Variants in PGS1 observed in about 807,000 individuals in gnomAD.
PGS1 encodes the protein phosphatidylglycerophosphate synthase 1, also known as CDP-diacylglycerol--glycerol-3-phosphate 3-phosphatidyltransferase, mitochondrial.
A neutral mutation model predicts 58.3 loss-of-function variants in PGS1; 44 were observed. The observed-to-expected ratio is 0.75, with a 90% confidence interval of 0.59 to 0.97. The LOEUF (loss-of-function observed/expected upper bound fraction) is 0.97. Among genes scored for constraint, PGS1 ranks in the 50% least tolerant of loss-of-function variants. PGS1 has a pLI of 0.00. For missense variants in PGS1, 684 were observed against 731.1 expected (o/e 0.94, Z 0.74); for synonymous variants, 330 against 311.0 (o/e 1.06, Z -0.64).
intron 7 of PGS1, among the ~76,000 whole-genome samples, chr17:78,405,996 T>G (rs979907827): frequency 6.6e-6 from 1 of 152,130 alleles, no homozygotes; most frequent in South Asian, 2.1e-4. Context: ...AAACCAATGT[T>G]TTTCAATTGG....
At chr17:78,384,673 G>T (rs1201395441) in intron 1 of PGS1, among the ~76,000 whole-genome samples, 4 of 152,192 alleles carry the variant, frequency 2.6e-5, no homozygotes, top group African/African-American at 4.8e-5. Flanking sequence ...GTTTGGTATG[G>T]AGAGCGCAAC....
chr17:78,419,450 C>T, intron 8 of PGS1, 96 bp from the exon 9 acceptor site: 1 of 1,094,194 alleles, frequency 9.1e-7, no homozygotes, highest in Non-Finnish European at 1.4e-6. Flanking sequence ...TCAGGGTTTT[C>T]TGGGCTGGCC....
At position 78,424,062 on chromosome 17, in the gene PGS1, AATGGCCTTGATGAAGATGACAGGC is replaced by A; in HGVS notation, c.*19_*42del. ...TCTTGGTCTCCATGCGGTCCACAGG[AATGGCCTTGATGAAGATGACAGGC>A]ATGGCCGGGGTCAGCTCTTTCAGCC... On this transcript the variant is annotated splice_region_variant and 3_prime_UTR_variant, in exon 10 of 10. Transcript: ENST00000262764. The A allele has an allele frequency of 6.2e-7, 1 of 1,614,066 alleles. No homozygotes were observed. The highest frequency in any genetic ancestry group is 8.5e-7 in the Non-Finnish European group (1 of 1,179,900).
intron 9 of PGS1, chr17:78,421,569 C>CTGTT (rs1555644475): frequency 1.8e-4 from 27 of 152,424 alleles, no homozygotes; most frequent in East Asian, 3.9e-4. Context: ...TCAGTTAACA[C>CTGTT]TGTTTGCCTT....
intron 8 of PGS1, 83 bp from the exon 9 acceptor site, chr17:78,419,463 A>AG (rs2085495751): frequency 1.6e-6 from 2 of 1,238,906 alleles, no homozygotes; most frequent in Non-Finnish European, 2.4e-6. Context: ...GGCTGGCCTG[A>AG]GGGGCTGGGC....
Position 78,400,398 on chromosome 17 carries a change from C to A in PGS1, c.702-279C>A, listed in dbSNP as rs1021120401. 1.3e-5 allele frequency among the ~76,000 whole-genome samples: 2 copies of A among 151,854 alleles called. No individual in the cohort carries two copies. The highest frequency in any genetic ancestry group is 1.3e-4 in the Admixed American group (2 of 15,244). The stretch of plus-strand genomic sequence containing the variant: ...AGATTGTCTCAAAAAAAAAAAAAGC[C>A]CTGTGTGGTTAGTTGACTTTCTGTG... On this transcript the variant is annotated intron_variant, in intron 5 of 9. Transcript: ENST00000262764. This position sits in a 1 kb window ranked among gnomAD's most constrained non-coding sequence, Gnocchi z 4.4.
At chr17:78,378,867 CG>C (rs2081825761) in intron 1 of PGS1, 59 bp downstream of exon 1, 1 of 1,347,438 alleles carries the variant, frequency 7.4e-7, no homozygotes, top group Admixed American at 4.1e-5. Flanking sequence ...GGCCCCCCGG[CG>C]CTCAAACTCC....
At chr17:78,402,282 T>C (rs2083735429) in intron 6 of PGS1, among the ~76,000 whole-genome samples, 1 of 152,226 alleles carries the variant, frequency 6.6e-6, no homozygotes, top group African/African-American at 2.4e-5. Flanking sequence ...CTGTTTCACT[T>C]CCCTGATCAG....
At chr17:78,408,812 C>T (rs11658146) in intron 7 of PGS1, among the ~76,000 whole-genome samples, 30,447 of 152,126 alleles carry the variant, frequency 0.2, 3,273 homozygotes, top group South Asian at 0.25. Flanking sequence ...GCCTGGCCCT[C>T]GCTCCTCGCC....
At chr17:78,381,740 T>C (rs1331228864) in intron 1 of PGS1, among the ~76,000 whole-genome samples, 2 of 152,158 alleles carry the variant, frequency 1.3e-5, no homozygotes, top group Non-Finnish European at 2.9e-5. Flanking sequence ...GGACGTTCCT[T>C]TTACTGCCGC....
At chr17:78,390,143 C>T (rs2082717920) in intron 1 of PGS1, among the ~76,000 whole-genome samples, 2 of 142,318 alleles carry the variant, frequency 1.4e-5, no homozygotes, top group South Asian at 4.5e-4. Flanking sequence ...TTGCTGTGCA[C>T]CTTTCCCATT....
At chr17:78,406,563 C>A (rs2084163769) in intron 7 of PGS1, among the ~76,000 whole-genome samples, 1 of 152,248 alleles carries the variant, frequency 6.6e-6, no homozygotes. Flanking sequence ...AAGTGACTGC[C>A]ACACTGTCCT....
At chr17:78,410,662 T>C (rs930930580) in intron 7 of PGS1, among the ~76,000 whole-genome samples, 14 of 151,714 alleles carry the variant, frequency 9.2e-5, no homozygotes, top group Admixed American at 2.0e-4. Flanking sequence ...TTAGTAGAGA[T>C]GGGGTTTCAC....
chr17:78,422,413 AT>A (rs2085908603), intron 9 of PGS1, among the ~76,000 whole-genome samples: 1 of 131,370 alleles, frequency 7.6e-6, no homozygotes, highest in African/African-American at 2.7e-5. Flanking sequence ...TTAACCCATG[AT>A]TTAGGTGAGT....
In PGS1 at chr17:78,384,450, A is replaced by G. The variant is rs368019062; in HGVS notation, c.143+5642A>G. Reference sequence around the variant, plus strand: ...TTACATTTAAATATCTGTGACTGAGAGGGTAGGGTGAGTTGTTCTCAAAAA... The same window carrying G: ...TTACATTTAAATATCTGTGACTGAGGGGGTAGGGTGAGTTGTTCTCAAAAA... On this transcript the variant is annotated intron_variant, in intron 1 of 9. Coordinates refer to ENST00000262764, the MANE Select transcript of PGS1 (RefSeq NM_024419.5). 1.4e-3 allele frequency among the ~76,000 whole-genome samples: 217 copies of G among 152,294 alleles called. 2 individuals are homozygous for G. The highest frequency in any genetic ancestry group is 4.8e-3 in the African/African-American group (201 of 41,566).
chr17:78,402,483 C>T (rs555041392), intron 6 of PGS1, among the ~76,000 whole-genome samples: 42 of 152,048 alleles, frequency 2.8e-4, no homozygotes, highest in African/African-American at 9.7e-4. Flanking sequence ...TTTTTGCTCT[C>T]GTCACCCAGG....
intron 9 of PGS1, chr17:78,423,765 T>A (rs1029061933): frequency 2.7e-6 from 3 of 1,130,066 alleles, no homozygotes; most frequent in African/African-American, 1.5e-5. Flanking sequence ...GGTTCCGATG[T>A]GCTTGGTTAC....
rs993696903 is a variant in PGS1 at position 78,424,639 on chromosome 17, TAAAC to T, written c.*595_*598del. On this transcript the variant is annotated 3_prime_UTR_variant, in exon 10 of 10. Coordinates refer to ENST00000262764, the MANE Select transcript of PGS1 (RefSeq NM_024419.5). ...TTATTTCCTGTCTGAAATCTCAAAA[TAAAC>T]AAACATGGAGAGCTTATCTTTGGTT... 4 of 155,400 alleles carry T rather than the reference TAAAC, an allele frequency of 2.6e-5. No homozygotes were observed. Among genetic ancestry groups the T allele is most frequent in the South Asian group, 2.0e-4 (1 of 5,068 alleles). 9.6% of individuals were successfully genotyped at this position (155,400 alleles called of 1,614,324 possible).
intron 1 of PGS1, among the ~76,000 whole-genome samples, chr17:78,385,240 TC>T (rs2082299742): frequency 6.6e-6 from 1 of 151,898 alleles, no homozygotes. Flanking sequence ...TGCCTCAACC[TC>T]CCAAGTAGCT....
Sources: allele counts gnomAD v4.1 joint callset (sites outside exome capture counted in the v4.1 genomes callset), GRCh38; gene constraint gnomAD v4.1.1; non-coding constraint Gnocchi (gnomAD v3.1); transcripts MANE v1.5; gene names NCBI Gene and HGNC (gene_info 2026-07-23, HGNC 2026-07-21).